The following ACYP2 variants were observed in gnomAD, a reference collection of about 807,000 sequenced individuals.
The protein encoded by ACYP2 is acylphosphatase 2.
In ACYP2, 12 loss-of-function variants were observed where a neutral mutation model predicts 11.2. The ratio of observed to expected loss-of-function variants is 1.08; its 90% confidence interval spans 0.69 to 1.74. The LOEUF is 1.74. Among genes scored for constraint, ACYP2 ranks in the 40% most tolerant of loss-of-function variants. The probability of loss-of-function intolerance (pLI) is 0.00; values close to 1 mark genes in which losing one functional copy is unlikely to be tolerated. For missense variants in ACYP2, 134 were observed against 101.9 expected, an observed-to-expected ratio of 1.31 and a Z score of -1.35; for synonymous variants, 43 against 32.2, an observed-to-expected ratio of 1.33 and a Z score of -1.13.
intron 6 of ACYP2, among the ~76,000 whole-genome samples, chr2:54,177,081 T>C (rs964182999): frequency 2.6e-5 from 4 of 152,178 alleles, no homozygotes; most frequent in African/African-American, 9.7e-5. Flanking sequence ...TAATACTTTG[T>C]TTTTCACTAA....
At chr2:54,213,639 T>A (rs748631951) in intron 6 of ACYP2, among the ~76,000 whole-genome samples, 1 of 152,220 alleles carries the variant, frequency 6.6e-6, no homozygotes, top group Non-Finnish European at 1.5e-5. Context: ...AGGTGGTATC[T>A]CATTGTGGTT....
chr2:54,140,543 CA>C (rs1681548543), intron 6 of ACYP2, among the ~76,000 whole-genome samples: 2 of 151,790 alleles, frequency 1.3e-5, no homozygotes, highest in African/African-American at 4.8e-5. Context: ...CACACACACA[CA>C]CACACTTGCA....
At chr2:54,218,981 G>A (rs1271192836) in intron 6 of ACYP2, among the ~76,000 whole-genome samples, 1 of 151,896 alleles carries the variant, frequency 6.6e-6, no homozygotes, top group African/African-American at 2.4e-5. Flanking sequence ...TTTTTGGAAG[G>A]AAGAAAGAAA....
intron 4 of ACYP2, among the ~76,000 whole-genome samples, chr2:54,096,962 A>G (rs1440304353): frequency 6.6e-6 from 1 of 152,224 alleles, no homozygotes; most frequent in East Asian, 1.9e-4. Context: ...CTCTTGCCTC[A>G]GCCTCTCAAA....
At chr2:54,250,204 G>T (rs950096000) in intron 6 of ACYP2, among the ~76,000 whole-genome samples, 1 of 152,140 alleles carries the variant, frequency 6.6e-6, no homozygotes, top group Non-Finnish European at 1.5e-5. Flanking sequence ...TCTCAGCCAG[G>T]CGTGGTGGCT....
At chr2:54,261,160 A>G (rs1687759876) in intron 6 of ACYP2, among the ~76,000 whole-genome samples, 1 of 152,204 alleles carries the variant, frequency 6.6e-6, no homozygotes, top group Non-Finnish European at 1.5e-5. Flanking sequence ...TAGTGATATT[A>G]TTCTTTGAGT....
At position 54,216,312 on chromosome 2, in the gene ACYP2, C is replaced by T. The variant is rs1186635706; in HGVS notation, c.404+77564C>T. The stretch of plus-strand genomic sequence containing the variant: ...TGATGTCTGGTTGAGCAAAACCCCT[C>T]TTTTTCTCAAAGTTTTTTGGCTTGT... On this transcript the variant is annotated intron_variant, in intron 6 of 6. Transcript: ENST00000607452. Among the ~76,000 whole-genome samples the T allele has an allele frequency of 1.3e-5, 2 of 152,118 alleles. 1 individual carries two copies. Among genetic ancestry groups the T allele is most frequent in the South Asian group, 4.1e-4 (2 of 4,832 alleles).
intron 6 of ACYP2, among the ~76,000 whole-genome samples, chr2:54,143,888 G>A (rs1681756222): frequency 6.6e-6 from 1 of 151,976 alleles, no homozygotes; most frequent in South Asian, 2.1e-4. Flanking sequence ...TTAGGTTAGT[G>A]GAAACAAATT....
At chr2:53,983,379 G>T (rs993269225) in intron 2 of ACYP2, among the ~76,000 whole-genome samples, 3 of 152,082 alleles carry the variant, frequency 2.0e-5, no homozygotes, top group African/African-American at 7.2e-5. Context: ...GGTGGCATGT[G>T]CCTGTAGTCC....
intron 6 of ACYP2, among the ~76,000 whole-genome samples, chr2:54,268,531 G>C (rs1032927744): frequency 6.6e-6 from 1 of 151,788 alleles, no homozygotes; most frequent in African/African-American, 2.4e-5. Flanking sequence ...GCTGGGTGCA[G>C]TGACTGACAC....
intron 4 of ACYP2, among the ~76,000 whole-genome samples, chr2:54,116,379 T>A (rs563430728): frequency 6.6e-6 from 1 of 152,280 alleles, no homozygotes; most frequent in East Asian, 1.9e-4. Context: ...TGATTTAACA[T>A]CCACCATCTT....
intron 6 of ACYP2, among the ~76,000 whole-genome samples, chr2:54,218,684 G>A (rs1283631429): frequency 6.7e-6 from 1 of 148,284 alleles, no homozygotes; most frequent in Non-Finnish European, 1.5e-5. Context: ...GTCAGTCTAG[G>A]GGTGGTATAG....
chr2:54,158,099 C>T (rs905203513), intron 6 of ACYP2, among the ~76,000 whole-genome samples: 3 of 151,862 alleles, frequency 2.0e-5, no homozygotes, highest in African/African-American at 4.8e-5. Context: ...GATCTCTGTT[C>T]GCTGCAACCT....
intron 6 of ACYP2, among the ~76,000 whole-genome samples, chr2:54,201,044 T>C (rs2103907004): frequency 6.6e-6 from 1 of 152,342 alleles, no homozygotes; most frequent in South Asian, 2.1e-4. Context: ...GCCATTTGTA[T>C]ACACTCTTTA....
At chr2:54,212,448 T>C (rs1276245947) in intron 6 of ACYP2, among the ~76,000 whole-genome samples, 1 of 152,234 alleles carries the variant, frequency 6.6e-6, no homozygotes. Flanking sequence ...TGACTGAGAA[T>C]GCATTTCCTT....
rs1401838724 is a variant in ACYP2 at position 54,051,041 on chromosome 2, G to A, written c.146G>A (p.Trp49Ter). ...TCCTGCCTCGGCCTCCCATGCTGTT[G>A]GGATTACAGGTGAGAACCACCGTCC... The change falls in exon 3 of 7, where the codon TGG becomes TAG. Residue 49 changes from tryptophan (W) to a stop codon, truncating the protein, a stop_gained. Transcript: ENST00000607452. LOFTEE classifies it high-confidence loss of function. 4.2e-6 allele frequency: 2 copies of A among 477,272 alleles called. No homozygotes were observed. Among genetic ancestry groups the A allele is most frequent in the African/African-American group, 4.0e-5 (2 of 50,066 alleles). The allele number at this position is 477,272 out of a possible 1,614,324, so 29.6% of individuals were successfully genotyped here.
At chr2:54,195,794 GTT>G (rs1168917459) in intron 6 of ACYP2, among the ~76,000 whole-genome samples, 9 of 83,140 alleles carry the variant, frequency 1.1e-4, no homozygotes, top group Admixed American at 2.7e-4. Context: ...TTTGTTGTGG[GTT>G]TTTTTTTTTT....
At chr2:54,171,557 T>C (rs957014520) in intron 6 of ACYP2, among the ~76,000 whole-genome samples, 6 of 152,222 alleles carry the variant, frequency 3.9e-5, no homozygotes, top group Non-Finnish European at 5.9e-5. Flanking sequence ...TATTAACCTG[T>C]TTGAGAGCAA....
At position 54,304,796 on chromosome 2, in the gene ACYP2, A is replaced by G. The variant is rs1365685636; in HGVS notation, c.513A>G (p.Arg171=). ...TTGAATACTCTAATTTTAGTATTAG[A>G]TACTAATAGAAGAGAAAAATTGTAA... The change falls in exon 7 of 7, where the codon AGA becomes AGG. Residue 171 remains arginine (R), a synonymous_variant. Coordinates refer to ENST00000607452, the MANE Select transcript of ACYP2 (RefSeq NM_001320586.2). 1 of 1,574,778 alleles carries G rather than the reference A, an allele frequency of 6.4e-7. No individual in the cohort carries two copies. The highest frequency in any genetic ancestry group is 1.1e-5 in the South Asian group (1 of 89,652).
Sources: gnomAD v4.1 joint callset for allele counts (sites outside exome capture counted in the v4.1 genomes callset) on GRCh38, gnomAD v4.1.1 for gene constraint, MANE v1.5 for transcripts, NCBI Gene and HGNC (gene_info 2026-07-23, HGNC 2026-07-21) for gene names.